Variants in GMDS observed in about 807,000 individuals in gnomAD.
The protein encoded by GMDS is GDP-mannose 4,6-dehydratase.
Under a neutral mutation model 49.9 loss-of-function variants are expected in GMDS, and 20 were observed. That is an observed-to-expected ratio of 0.40 (90% CI 0.28 to 0.58). The LOEUF (loss-of-function observed/expected upper bound fraction) is 0.58, where lower values mean the gene tolerates loss of function less well. Among genes scored for constraint, GMDS ranks in the 20% least tolerant of loss-of-function variants. GMDS has a pLI of 0.42. For missense variants in GMDS, 362 were observed against 481.4 expected (o/e 0.75, Z 2.32); for synonymous variants, 177 against 178.6 (o/e 0.99, Z 0.07).
intron 9 of GMDS, among the ~76,000 whole-genome samples, chr6:1,684,859 C>G (rs370812839): frequency 2.0e-4 from 30 of 152,196 alleles, no homozygotes; most frequent in African/African-American, 7.2e-4. Context: ...CACCTGGCAC[C>G]AAGTAAATAT....
intron 7 of GMDS, among the ~76,000 whole-genome samples, chr6:1,835,584 G>C (rs1326792211): frequency 6.6e-6 from 1 of 151,380 alleles, no homozygotes; most frequent in Non-Finnish European, 1.5e-5. Flanking sequence ...GTCTTTTTAG[G>C]CTTGATAAAC....
intron 4 of GMDS, among the ~76,000 whole-genome samples, chr6:2,034,866 C>T (rs1358414390): frequency 1.3e-5 from 2 of 152,128 alleles, no homozygotes; most frequent in African/African-American, 4.8e-5. Flanking sequence ...CCAGCCAATC[C>T]GTTTCTGGCC....
intron 4 of GMDS, among the ~76,000 whole-genome samples, chr6:1,999,510 G>A (rs1444579799): frequency 1.3e-5 from 2 of 151,882 alleles, no homozygotes; most frequent in Non-Finnish European, 2.9e-5. Context: ...CCTTGGCAAG[G>A]ATACAGTGGC....
chr6:1,999,991 AT>A, intron 4 of GMDS, among the ~76,000 whole-genome samples: 1 of 15,996 alleles, frequency 6.3e-5, no homozygotes, highest in Non-Finnish European at 1.4e-4. Context: ...TTTTATATAT[AT>A]ATATTATATA....
chr6:1,682,141 T>G lies in GMDS; in HGVS notation c.987+44275A>C, dbSNP rs576551201. Reference sequence around the variant, plus strand: ...ATGCCTTTTCCTCCCAAAACTTTGATGTTTGTTAAATACCTATGTTTTACC... The same window carrying G: ...ATGCCTTTTCCTCCCAAAACTTTGAGGTTTGTTAAATACCTATGTTTTACC... On this transcript the variant is annotated intron_variant, in intron 9 of 10. Coordinates refer to ENST00000380815, the MANE Select transcript of GMDS (RefSeq NM_001500.4). Among the ~76,000 whole-genome samples, 9 of 152,360 alleles carry G rather than the reference T, an allele frequency of 5.9e-5. No homozygotes were observed. The South Asian group carries it at 1.7e-3, about 28-fold the overall frequency.
At chr6:2,045,216 CT>C (rs1202323769) in intron 4 of GMDS, among the ~76,000 whole-genome samples, 1 of 151,884 alleles carries the variant, frequency 6.6e-6, no homozygotes, top group Non-Finnish European at 1.5e-5. Context: ...GAAAAATCTC[CT>C]CTCTAAAAGA....
At chr6:1,932,760 G>A (rs1197223317) in intron 6 of GMDS, among the ~76,000 whole-genome samples, 5 of 152,046 alleles carry the variant, frequency 3.3e-5, no homozygotes, top group Admixed American at 2.6e-4. Flanking sequence ...GGATGGTCTC[G>A]ATCTCCTGAC....
intron 9 of GMDS, among the ~76,000 whole-genome samples, chr6:1,713,530 T>C (rs1026383256): frequency 2.6e-5 from 4 of 151,644 alleles, no homozygotes; most frequent in African/African-American, 9.7e-5. Context: ...CCATCCTACC[T>C]TTAGGAGGAG....
chr6:2,104,822 C>A (rs932569850), intron 4 of GMDS, among the ~76,000 whole-genome samples: 2 of 151,972 alleles, frequency 1.3e-5, no homozygotes, highest in African/African-American at 4.8e-5. Context: ...GTAAATAATT[C>A]CAATAAGATA....
chr6:1,956,291 T>C (rs1048965759), intron 6 of GMDS, among the ~76,000 whole-genome samples: 3 of 152,210 alleles, frequency 2.0e-5, no homozygotes, highest in African/African-American at 7.2e-5. Context: ...ATAGATGATA[T>C]ATAAACAAGT....
chr6:1,754,937 T>C (rs1311638953), intron 7 of GMDS, among the ~76,000 whole-genome samples: 2 of 152,262 alleles, frequency 1.3e-5, no homozygotes, highest in Admixed American at 6.5e-5. Flanking sequence ...AATATCATAC[T>C]GAATGGGCAA....
chr6:1,825,489 A>G (rs1771069077), intron 7 of GMDS, among the ~76,000 whole-genome samples: 1 of 152,174 alleles, frequency 6.6e-6, no homozygotes, highest in South Asian at 2.1e-4. Flanking sequence ...ACAGAAACAC[A>G]TTCTGAGAAA....
chr6:2,135,707 T>A (rs531843781), intron 1 of GMDS, among the ~76,000 whole-genome samples: 35 of 152,286 alleles, frequency 2.3e-4, no homozygotes, highest in African/African-American at 8.2e-4. Flanking sequence ...AACAGAAATA[T>A]AATGTGAGCC....
At chr6:1,729,715 C>T (rs1055783900) in intron 8 of GMDS, among the ~76,000 whole-genome samples, 9 of 152,192 alleles carry the variant, frequency 5.9e-5, no homozygotes, top group African/African-American at 1.9e-4. Flanking sequence ...GGAGAGGATT[C>T]GGTTAATTAA....
intron 1 of GMDS, among the ~76,000 whole-genome samples, chr6:2,139,672 C>A (rs1391763054): frequency 6.6e-6 from 1 of 152,162 alleles, no homozygotes; most frequent in Non-Finnish European, 1.5e-5. Context: ...CCCAAAGTCA[C>A]AAAGCTATTA....
intron 7 of GMDS, among the ~76,000 whole-genome samples, chr6:1,826,286 G>C (rs1209832751): frequency 6.6e-6 from 1 of 152,104 alleles, no homozygotes; most frequent in Non-Finnish European, 1.5e-5. Context: ...ATAATCTTCT[G>C]GTATCAACAC....
intron 4 of GMDS, among the ~76,000 whole-genome samples, chr6:2,022,261 AG>A (rs35971301): frequency 0.21 from 31,764 of 152,084 alleles, 3,688 homozygotes; most frequent in Non-Finnish European, 0.25. Context: ...TATATCAGCC[AG>A]GGTAGGAAGG....
chr6:1,999,289 T>C (rs1002038752), intron 4 of GMDS, among the ~76,000 whole-genome samples: 1 of 133,098 alleles, frequency 7.5e-6, no homozygotes, highest in Non-Finnish European at 1.5e-5. Context: ...ACCACTGTAC[T>C]ACAGCCTGGT....
chr6:2,032,679 A>T (rs1179487363), intron 4 of GMDS, among the ~76,000 whole-genome samples: 1 of 152,214 alleles, frequency 6.6e-6, no homozygotes, highest in Non-Finnish European at 1.5e-5. Flanking sequence ...GGCATAAAAC[A>T]AAAAGGTAAT....
Sources: gnomAD v4.1 joint callset for allele counts (sites outside exome capture counted in the v4.1 genomes callset) on GRCh38, gnomAD v4.1.1 for gene constraint, MANE v1.5 for transcripts, NCBI Gene and HGNC (gene_info 2026-07-23, HGNC 2026-07-21) for gene names.